Variants in SYNPR observed in about 807,000 individuals in gnomAD.
SYNPR encodes synaptoporin.
Under a neutral mutation model 32.9 loss-of-function variants are expected in SYNPR, and 23 were observed. That is an observed-to-expected ratio of 0.70 (90% CI 0.50 to 0.99). The LOEUF is 0.99. SYNPR is among the 50% of genes least tolerant of loss of function. The pLI is 0.00. For synonymous variants in SYNPR, 146 were observed against 135.9 expected, an observed-to-expected ratio of 1.07 and a Z score of -0.52; for missense variants, 318 against 349.3, an observed-to-expected ratio of 0.91 and a Z score of 0.71.
intron 2 of SYNPR, among the ~76,000 whole-genome samples, chr3:63,380,706 G>A (rs994970767): frequency 6.6e-6 from 1 of 152,100 alleles, no homozygotes; most frequent in African/African-American, 2.4e-5. Flanking sequence ...TATCCACCAT[G>A]ATCAAGTGGG....
intron 2 of SYNPR, among the ~76,000 whole-genome samples, chr3:63,333,871 A>T (rs746013312): frequency 2.6e-5 from 4 of 152,196 alleles, no homozygotes; most frequent in Non-Finnish European, 5.9e-5. Flanking sequence ...CTCTATGTCT[A>T]TTCTCATTCA....
At chr3:63,582,692 C>T (rs1005104983) in intron 4 of SYNPR, among the ~76,000 whole-genome samples, 2 of 152,062 alleles carry the variant, frequency 1.3e-5, no homozygotes, top group African/African-American at 2.4e-5. Flanking sequence ...ATACATTTGA[C>T]ACAGTCACAG....
intron 3 of SYNPR, among the ~76,000 whole-genome samples, chr3:63,526,577 C>T (rs1013663365): frequency 3.3e-5 from 5 of 152,080 alleles, no homozygotes; most frequent in South Asian, 2.1e-4. Context: ...TAAGGGCAAG[C>T]GACACTAGAT....
At chr3:63,499,464 G>C (rs578156632) in intron 3 of SYNPR, among the ~76,000 whole-genome samples, 176 of 152,220 alleles carry the variant, frequency 1.2e-3, no homozygotes, top group Non-Finnish European at 2.0e-3. Context: ...GAGAGAGTAG[G>C]AACAAAGGAG....
chr3:63,588,720 A>G (rs759182025), intron 4 of SYNPR, among the ~76,000 whole-genome samples: 2 of 152,110 alleles, frequency 1.3e-5, no homozygotes, highest in Non-Finnish European at 2.9e-5. Flanking sequence ...GAAACACTCA[A>G]CAACCCTCGT....
intron 2 of SYNPR, among the ~76,000 whole-genome samples, chr3:63,381,754 C>G (rs2087973407): frequency 6.6e-6 from 1 of 152,066 alleles, no homozygotes; most frequent in Non-Finnish European, 1.5e-5. Flanking sequence ...TCTGTTCATT[C>G]TCTCTGTGTA....
intron 4 of SYNPR, among the ~76,000 whole-genome samples, chr3:63,581,347 C>G (rs370668290): frequency 9.6e-6 from 1 of 104,468 alleles, no homozygotes; most frequent in East Asian, 4.4e-4. Flanking sequence ...GGTTGTAGCA[C>G]TAAAGCAACA....
intron 3 of SYNPR, among the ~76,000 whole-genome samples, chr3:63,485,258 G>T (rs1444948177): frequency 1.3e-5 from 2 of 152,048 alleles, no homozygotes; most frequent in Non-Finnish European, 2.9e-5. Context: ...ACCAAAAGGA[G>T]AAGACCAAAT....
chr3:63,585,001 A>G (rs1022092217), intron 4 of SYNPR, among the ~76,000 whole-genome samples: 3 of 152,106 alleles, frequency 2.0e-5, no homozygotes, highest in African/African-American at 7.2e-5. Flanking sequence ...TGTCGTGCAT[A>G]AAGTTGAAGA....
intron 4 of SYNPR, among the ~76,000 whole-genome samples, chr3:63,598,541 G>A (rs1022022041): frequency 2.4e-4 from 36 of 152,206 alleles, no homozygotes; most frequent in African/African-American, 8.4e-4. Context: ...AAAGTTCTTT[G>A]GGTACCGATT....
intron 2 of SYNPR, among the ~76,000 whole-genome samples, chr3:63,358,953 C>G (rs1017288742): frequency 6.6e-6 from 1 of 152,150 alleles, no homozygotes; most frequent in South Asian, 2.1e-4. Flanking sequence ...CTTTAAAATC[C>G]TCTTCTTCCC....
intron 2 of SYNPR, among the ~76,000 whole-genome samples, chr3:63,416,390 G>A (rs2088539066): frequency 6.6e-6 from 1 of 152,130 alleles, no homozygotes; most frequent in Non-Finnish European, 1.5e-5. Context: ...AAATTAGCCA[G>A]GCGTGGTGGT....
At chr3:63,226,525 A>C (rs1379972123), upstream of SYNPR, among the ~76,000 whole-genome samples, 1 of 152,204 alleles carries the variant, frequency 6.6e-6, no homozygotes, top group African/African-American at 2.4e-5. Flanking sequence ...TCAGCCATAA[A>C]AAGAATGAAA....
intron 2 of SYNPR, among the ~76,000 whole-genome samples, chr3:63,254,666 A>C (rs1384859455): frequency 6.6e-6 from 1 of 152,172 alleles, no homozygotes; most frequent in Non-Finnish European, 1.5e-5. Flanking sequence ...TGTCATATGC[A>C]TTATAGGACG....
chr3:63,395,182 G>C (rs1475452404), intron 2 of SYNPR, among the ~76,000 whole-genome samples: 1 of 152,098 alleles, frequency 6.6e-6, no homozygotes, highest in Non-Finnish European at 1.5e-5. Flanking sequence ...CAGGGAGAAA[G>C]CTGTTGGATA....
chr3:63,522,535 A>C (rs1701936056), intron 3 of SYNPR, among the ~76,000 whole-genome samples: 1 of 117,242 alleles, frequency 8.5e-6, no homozygotes, highest in Non-Finnish European at 1.7e-5. Context: ...GTGGTGCTCC[A>C]CTAAATATGC....
At chr3:63,491,800 C>T (rs146699648) in intron 3 of SYNPR, among the ~76,000 whole-genome samples, 145 of 152,254 alleles carry the variant, frequency 9.5e-4, no homozygotes, top group African/African-American at 3.5e-3. Context: ...GGATTACAGG[C>T]ATGAACCACC....
intron 4 of SYNPR, among the ~76,000 whole-genome samples, chr3:63,589,620 C>T (rs1431153591): frequency 2.0e-5 from 3 of 151,008 alleles, no homozygotes; most frequent in Admixed American, 6.6e-5. Flanking sequence ...ATCAAGTGGG[C>T]TTCATCCCTG....
intron 1 of SYNPR, among the ~76,000 whole-genome samples, chr3:63,241,399 T>C (rs1290194791): frequency 6.6e-6 from 1 of 152,142 alleles, no homozygotes; most frequent in East Asian, 1.9e-4. Context: ...AAGCCTGGAC[T>C]TCTTACCAAC....
Sources: allele counts gnomAD v4.1 joint callset (sites outside exome capture counted in the v4.1 genomes callset), GRCh38; gene constraint gnomAD v4.1.1; transcripts MANE v1.5; gene names NCBI Gene and HGNC (gene_info 2026-07-23, HGNC 2026-07-21).